The following PPP6R3 variants were observed in gnomAD, a reference collection of about 807,000 sequenced individuals.
The protein encoded by PPP6R3 is serine/threonine-protein phosphatase 6 regulatory subunit 3.
A neutral mutation model predicts 110.7 loss-of-function variants in PPP6R3; 38 were observed. That is an observed-to-expected ratio of 0.34 (90% CI 0.26 to 0.45). The LOEUF (loss-of-function observed/expected upper bound fraction) is 0.45, where lower values mean the gene tolerates loss of function less well. Ranked by LOEUF, PPP6R3 falls within the 20% of genes least tolerant of loss-of-function variation. The pLI is 1.00. For synonymous variants in PPP6R3, 369 were observed against 373.5 expected (o/e 0.99, Z 0.14); for missense variants, 870 against 1,062.4 (o/e 0.82, Z 2.52).
chr11:68,563,963 C>G (rs967189176), intron 8 of PPP6R3, among the ~76,000 whole-genome samples: 1 of 152,150 alleles, frequency 6.6e-6, no homozygotes, highest in Non-Finnish European at 1.5e-5. Flanking sequence ...TTGGGGTGCC[C>G]TATAATCCAG....
At chr11:68,496,751 A>C (rs927007303) in intron 1 of PPP6R3, among the ~76,000 whole-genome samples, 2 of 151,668 alleles carry the variant, frequency 1.3e-5, no homozygotes, top group Admixed American at 1.3e-4. Flanking sequence ...GATTACAATT[A>C]CAGCAGTCTA....
At chr11:68,548,264 A>C in intron 5 of PPP6R3, 60 bp downstream of exon 5, 1 of 1,592,034 alleles carries the variant, frequency 6.3e-7, no homozygotes, top group South Asian at 1.1e-5. Context: ...TGAGCCCACC[A>C]GGCTGCTGTG....
chr11:68,587,186 C>CG (rs2099581419), intron 15 of PPP6R3: 1 of 149,398 alleles, frequency 6.7e-6, no homozygotes, highest in South Asian at 2.1e-4. Flanking sequence ...ACCCCCCCCC[C>CG]CCACATTTTC....
chr11:68,501,003 G>T (rs1474851119), intron 1 of PPP6R3, among the ~76,000 whole-genome samples: 2 of 152,182 alleles, frequency 1.3e-5, no homozygotes, highest in East Asian at 3.9e-4. Flanking sequence ...TGGTCATCTT[G>T]AGTGCATCAC....
chr11:68,483,021 C>T (rs904140958), intron 1 of PPP6R3, among the ~76,000 whole-genome samples: 1 of 152,058 alleles, frequency 6.6e-6, no homozygotes, highest in Non-Finnish European at 1.5e-5. Context: ...TTGTTATTAT[C>T]ACAAACAATT....
Position 68,477,741 on chromosome 11 carries a change from A to AAAAAATAT in PPP6R3, c.-158+16915_-158+16916insAAAATATA. ...GACATTGTCTCTTAAAAAAAAAAAAAATATATATATATATATATATATATA... is the reference window on the plus strand; with the variant it reads ...GACATTGTCTCTTAAAAAAAAAAAAAAAAAATATATATATATATATATATATATATATA... On this transcript the variant is annotated intron_variant, in intron 1 of 23. Transcript: ENST00000393800. Among the ~76,000 whole-genome samples, 443 of 57,870 alleles carry AAAAAATAT rather than the reference A, an allele frequency of 7.7e-3. 3 individuals carry two copies. Among genetic ancestry groups the AAAAAATAT allele is most frequent in the Non-Finnish European group, 0.012 (357 of 30,034 alleles). 38.0% of individuals were successfully genotyped at this position (57,870 alleles called of 152,430 possible).
intron 23 of PPP6R3, among the ~76,000 whole-genome samples, chr11:68,610,935 A>C (rs910550059): frequency 2.6e-5 from 4 of 151,940 alleles, no homozygotes; most frequent in Non-Finnish European, 5.9e-5. Flanking sequence ...TTGGTCCAAA[A>C]TCCTGTATTC....
chr11:68,525,164 C>T (rs1016878272), intron 2 of PPP6R3, among the ~76,000 whole-genome samples: 2 of 152,178 alleles, frequency 1.3e-5, no homozygotes, highest in Admixed American at 6.5e-5. Context: ...TTTGAACTCT[C>T]AGAATTTTAG....
At chr11:68,554,740 TA>T (rs2099392949) in intron 7 of PPP6R3, among the ~76,000 whole-genome samples, 1 of 152,194 alleles carries the variant, frequency 6.6e-6, no homozygotes, top group African/African-American at 2.4e-5. Flanking sequence ...CACATGTTTT[TA>T]AAAAGAATGT....
intron 14 of PPP6R3, among the ~76,000 whole-genome samples, chr11:68,576,598 T>G (rs1422218153): frequency 6.7e-6 from 1 of 150,164 alleles, no homozygotes; most frequent in Non-Finnish European, 1.5e-5. Context: ...TATTGGACTT[T>G]GGAATGTATT....
intron 12 of PPP6R3, chr11:68,571,366 T>G: frequency 2.4e-6 from 1 of 419,272 alleles, no homozygotes; most frequent in Non-Finnish European, 4.2e-6. Flanking sequence ...AACTTCCTGG[T>G]CCTTTTTGAA....
At chr11:68,612,039 C>T (rs1042285215) in intron 23 of PPP6R3, among the ~76,000 whole-genome samples, 6 of 152,190 alleles carry the variant, frequency 3.9e-5, no homozygotes, top group Admixed American at 3.9e-4. Context: ...CATATGTATA[C>T]TAGTGAAGCC....
chr11:68,525,592 C>T (rs2099192674), intron 2 of PPP6R3, among the ~76,000 whole-genome samples: 1 of 152,136 alleles, frequency 6.6e-6, no homozygotes, highest in Non-Finnish European at 1.5e-5. Context: ...TATATACAGT[C>T]TGATCAAAGT....
At chr11:68,606,308 CCTTCTTTCTTCTTCTTT>C (rs1566179353) in intron 22 of PPP6R3, among the ~76,000 whole-genome samples, 1 of 151,692 alleles carries the variant, frequency 6.6e-6, no homozygotes, top group Non-Finnish European at 1.5e-5. Context: ...CCTCCTTCCT[CCTTCTTTCTTCTTCTTT>C]CTTCTTTCTT....
At chr11:68,551,254 G>C in intron 6 of PPP6R3, 68 bp downstream of exon 6, 2 of 1,167,272 alleles carry the variant, frequency 1.7e-6, no homozygotes, top group Non-Finnish European at 2.5e-6. Flanking sequence ...ATTGGGCACA[G>C]AGCATACTTA....
intron 1 of PPP6R3, among the ~76,000 whole-genome samples, chr11:68,500,413 G>T (rs1284620971): frequency 6.6e-6 from 1 of 151,970 alleles, no homozygotes; most frequent in African/African-American, 2.4e-5. Context: ...TGTTTTATGT[G>T]CACTGGTAGT....
chr11:68,539,774 C>G (rs2099300541), intron 3 of PPP6R3, among the ~76,000 whole-genome samples: 2 of 152,180 alleles, frequency 1.3e-5, no homozygotes, highest in Admixed American at 1.3e-4. Flanking sequence ...AATAATTTTT[C>G]AGATAAGACC....
At chr11:68,576,514 G>A (rs952758884) in intron 14 of PPP6R3, among the ~76,000 whole-genome samples, 1 of 152,150 alleles carries the variant, frequency 6.6e-6, no homozygotes, top group African/African-American at 2.4e-5. Flanking sequence ...TGAAACCCCA[G>A]CTTTAAAATT....
At chr11:68,491,525 A>AT (rs1442183183) in intron 1 of PPP6R3, among the ~76,000 whole-genome samples, 3 of 151,824 alleles carry the variant, frequency 2.0e-5, no homozygotes, top group Non-Finnish European at 4.4e-5. Context: ...TTAAAAATTT[A>AT]TTTTTTGTAG....
Sources: gnomAD v4.1 joint callset for allele counts (sites outside exome capture counted in the v4.1 genomes callset) on GRCh38, gnomAD v4.1.1 for gene constraint, MANE v1.5 for transcripts, NCBI Gene and HGNC (gene_info 2026-07-23, HGNC 2026-07-21) for gene names.